LRRC4C: variants seen among roughly 807,000 people sequenced by gnomAD.
LRRC4C encodes the protein leucine-rich repeat-containing protein 4C.
A neutral mutation model predicts 33.6 loss-of-function variants in LRRC4C; 5 were observed. The observed-to-expected ratio is 0.15, with a 90% CI of 0.08 to 0.31. LRRC4C has a LOEUF of 0.31. LRRC4C is among the 10% of genes least tolerant of loss of function. The pLI is 1.00. For synonymous variants in LRRC4C, 329 were observed against 302.0 expected (o/e 1.09, Z -0.93); for missense variants, 560 against 796.7 (o/e 0.70, Z 3.58).
chr11:40,199,913 A>G (rs1862568337), intron 5 of LRRC4C, among the ~76,000 whole-genome samples: 1 of 152,080 alleles, frequency 6.6e-6, no homozygotes, highest in South Asian at 2.1e-4. Flanking sequence ...GAGATGAGAA[A>G]GCAAACTTGG....
chr11:41,191,247 T>C (rs2136211407), intron 1 of LRRC4C, among the ~76,000 whole-genome samples: 1 of 152,304 alleles, frequency 6.6e-6, no homozygotes, highest in South Asian at 2.1e-4. Flanking sequence ...CCTGGAATTT[T>C]CTGTCATTTA....
chr11:40,591,853 T>G (rs1297117784), intron 3 of LRRC4C, among the ~76,000 whole-genome samples: 1 of 152,214 alleles, frequency 6.6e-6, no homozygotes, highest in Non-Finnish European at 1.5e-5. Flanking sequence ...TCCAACTGAC[T>G]TATACAACTA....
At chr11:41,250,692 T>G (rs1410562098) in intron 1 of LRRC4C, among the ~76,000 whole-genome samples, 1 of 152,158 alleles carries the variant, frequency 6.6e-6, no homozygotes, top group Non-Finnish European at 1.5e-5. Flanking sequence ...AGTGTTCTGC[T>G]CCCAATAACA....
intron 3 of LRRC4C, among the ~76,000 whole-genome samples, chr11:40,395,898 A>G (rs918997430): frequency 5.8e-4 from 88 of 152,244 alleles, no homozygotes; most frequent in African/African-American, 1.9e-3. Flanking sequence ...GAGACATGAG[A>G]ATTGCTTGAA....
intron 4 of LRRC4C, among the ~76,000 whole-genome samples, chr11:40,301,994 A>G (rs2136671848): frequency 6.6e-6 from 1 of 152,354 alleles, no homozygotes; most frequent in Admixed American, 6.5e-5. Context: ...ATAAGTATGT[A>G]TAAAGAAATA....
chr11:40,220,652 T>A (rs1252001610), intron 5 of LRRC4C, among the ~76,000 whole-genome samples: 1 of 152,054 alleles, frequency 6.6e-6, no homozygotes, highest in Non-Finnish European at 1.5e-5. Flanking sequence ...TGCTCTAGAG[T>A]TAGAGCTAAT....
intron 1 of LRRC4C, among the ~76,000 whole-genome samples, chr11:41,228,749 G>A (rs367670889): frequency 1.3e-5 from 2 of 152,002 alleles, no homozygotes; most frequent in African/African-American, 4.8e-5. Flanking sequence ...CATTTTATTT[G>A]TCTTAACTCT....
chr11:40,850,840 T>A (rs1258419582), intron 2 of LRRC4C, among the ~76,000 whole-genome samples: 1 of 152,198 alleles, frequency 6.6e-6, no homozygotes, highest in Non-Finnish European at 1.5e-5. Flanking sequence ...AGAGGAGGAA[T>A]CTGGAGAGGC....
rs567346706 is a variant in LRRC4C at position 40,512,735 on chromosome 11, C to T, written c.-270+135407G>A. On this transcript the variant is annotated intron_variant, in intron 3 of 6. Transcript: ENST00000528697. ...TCAATCCTAGCCGTGCAAAATGCCA[C>T]GTCTGCGAAATTCCACTGATAAATC... is the stretch of plus-strand genomic sequence containing the variant. Among the ~76,000 whole-genome samples, 23 of 152,292 alleles carry T rather than the reference C, an allele frequency of 1.5e-4. 3 individuals carry two copies. In the South Asian group the frequency reaches 4.6e-3, roughly 30 times the overall value.
At chr11:41,064,334 C>T (rs948258045) in intron 1 of LRRC4C, among the ~76,000 whole-genome samples, 4 of 152,132 alleles carry the variant, frequency 2.6e-5, no homozygotes, top group African/African-American at 7.2e-5. Context: ...CTCTGCATTC[C>T]TGTATATCAT....
At chr11:40,548,473 T>G (rs147493610) in intron 3 of LRRC4C, among the ~76,000 whole-genome samples, 10 of 152,126 alleles carry the variant, frequency 6.6e-5, no homozygotes, top group African/African-American at 2.4e-4. Flanking sequence ...CTGGAAGAGA[T>G]CCTTCCTGCA....
intron 1 of LRRC4C, among the ~76,000 whole-genome samples, chr11:41,187,454 G>C (rs983176345): frequency 1.3e-5 from 2 of 152,138 alleles, no homozygotes; most frequent in African/African-American, 4.8e-5. Context: ...AAGGCATTTG[G>C]AGGTAAGCCT....
intron 2 of LRRC4C, among the ~76,000 whole-genome samples, chr11:40,689,312 T>C (rs1945116591): frequency 6.6e-6 from 1 of 151,970 alleles, no homozygotes; most frequent in African/African-American, 2.4e-5. Context: ...GCCTGATCCA[T>C]CTTATAAGAA....
At chr11:40,550,334 C>G (rs1957083853) in intron 3 of LRRC4C, among the ~76,000 whole-genome samples, 1 of 152,130 alleles carries the variant, frequency 6.6e-6, no homozygotes, top group Non-Finnish European at 1.5e-5. Flanking sequence ...TCAAATGTGT[C>G]CTGCCCCAGA....
rs145571742 is a variant in LRRC4C, at chr11:41,329,431, G to A, written c.-496+130000C>T. ...ATCTCTTCTTTTTGCAATATGTTGCGTCCCATAGTACCAGATTTGATTAAT... is the reference window on the plus strand; with the variant it reads ...ATCTCTTCTTTTTGCAATATGTTGCATCCCATAGTACCAGATTTGATTAAT... On this transcript the variant is annotated intron_variant, in intron 1 of 6. Coordinates refer to ENST00000528697, the MANE Select transcript of LRRC4C (RefSeq NM_001258419.2). Among the ~76,000 whole-genome samples the A allele has an allele frequency of 9.6e-3, 1,465 of 152,204 alleles. 22 individuals are homozygous for A. The highest frequency in any genetic ancestry group is 0.033 in the African/African-American group (1,377 of 41,508).
chr11:41,066,230 G>A (rs1020868562), intron 1 of LRRC4C, among the ~76,000 whole-genome samples: 3 of 152,150 alleles, frequency 2.0e-5, no homozygotes, highest in Non-Finnish European at 4.4e-5. Flanking sequence ...TAAATGACCT[G>A]ATGGAGTGAA....
intron 2 of LRRC4C, among the ~76,000 whole-genome samples, chr11:40,898,618 A>G (rs1282713979): frequency 6.6e-6 from 1 of 152,068 alleles, no homozygotes; most frequent in Middle Eastern, 3.2e-3. Context: ...GAAACTATAG[A>G]TACATCCTGA....
chr11:40,356,477 G>T (rs1007464486), intron 3 of LRRC4C, among the ~76,000 whole-genome samples: 4 of 152,174 alleles, frequency 2.6e-5, no homozygotes, highest in African/African-American at 9.7e-5. Context: ...AGGTAGGTTA[G>T]AGAGGTAGAA....
intron 5 of LRRC4C, among the ~76,000 whole-genome samples, chr11:40,184,994 C>G (rs1488269870): frequency 6.6e-6 from 1 of 152,120 alleles, no homozygotes; most frequent in Non-Finnish European, 1.5e-5. Context: ...GAGTTTTAAA[C>G]AAGTTTCATG....
Sources: allele counts gnomAD v4.1 joint callset (sites outside exome capture counted in the v4.1 genomes callset), GRCh38; gene constraint gnomAD v4.1.1; transcripts MANE v1.5; gene names NCBI Gene and HGNC (gene_info 2026-07-23, HGNC 2026-07-21).